The following KNL1 variants were observed in gnomAD, a reference collection of about 807,000 sequenced individuals.
KNL1 encodes the protein outer kinetochore KNL1 complex subunit KNL1.
A neutral mutation model predicts 201.3 loss-of-function variants in KNL1; 66 were observed. The ratio of observed to expected loss-of-function variants is 0.33; its 90% CI spans 0.27 to 0.40. The LOEUF (loss-of-function observed/expected upper bound fraction) is 0.40, where lower values mean the gene tolerates loss of function less well. Ranked by LOEUF, KNL1 falls within the 10% of genes least tolerant of loss-of-function variation. The probability of loss-of-function intolerance (pLI) is 1.00; values close to 1 mark genes in which losing one functional copy is unlikely to be tolerated. For missense variants in KNL1, 2,815 were observed against 2,690.5 expected (o/e 1.05, Z -1.02); for synonymous variants, 895 against 899.2 (o/e 1.00, Z 0.08).
chr15:40,661,072 G>A (rs778204461), intron 25 of KNL1, among the ~76,000 whole-genome samples: 25 of 151,636 alleles, frequency 1.6e-4, no homozygotes, highest in Non-Finnish European at 3.2e-4. Flanking sequence ...AGATAACAGA[G>A]TTAAAAATGT....
intron 13 of KNL1, 134 bp from the exon 14 acceptor site, chr15:40,640,778 G>A (rs1240520277): frequency 1.1e-5 from 7 of 613,210 alleles, no homozygotes; most frequent in South Asian, 1.0e-4. Flanking sequence ...TTGTTTACTG[G>A]CATTATGAAC....
intron 20 of KNL1, 32 bp from the exon 21 acceptor site, chr15:40,651,973 G>A (rs375960767): frequency 6.9e-5 from 104 of 1,502,096 alleles, no homozygotes; most frequent in Middle Eastern, 3.4e-4. Flanking sequence ...TTTTAAAAAC[G>A]CTTTTTAAAA....
rs777453983 is a variant in KNL1, at chr15:40,621,213, G to A, written c.949G>A (p.Asp317Asn). 9.3e-6 allele frequency: 15 copies of A among 1,611,526 alleles called. No individual in the cohort carries two copies. The highest frequency in any genetic ancestry group is 1.2e-5 in the Non-Finnish European group (14 of 1,178,642). Residue 317 changes from aspartate to asparagine, a missense_variant, in exon 10 of 26, where the codon GAC becomes AAC. By Grantham distance (23) the Asp-to-Asn change is conservative (BLOSUM62 1). Transcript: ENST00000399668. ...TAATGATATTACAATTTATGGCAAT[G>A]ACTTTATGGACTTGACATTTAACCA... The part of the protein sequence containing the change: ...KGNDITIYGN[D>N]FMDLTFNHTL...
intron 13 of KNL1, among the ~76,000 whole-genome samples, chr15:40,637,270 G>A (rs981650218): frequency 7.1e-6 from 1 of 141,206 alleles, no homozygotes; most frequent in Non-Finnish European, 1.5e-5. Flanking sequence ...TTTCTGTAGA[G>A]TTTACCACAG....
intron 21 of KNL1, among the ~76,000 whole-genome samples, chr15:40,652,992 C>T (rs1194121702): frequency 1.3e-5 from 2 of 151,958 alleles, no homozygotes; most frequent in Non-Finnish European, 2.9e-5. Flanking sequence ...CAAACATGGC[C>T]GTATTGGAAC....
chr15:40,625,657 A>G lies in KNL1; in HGVS notation c.5376+17A>G. On this transcript the variant is annotated intron_variant, in intron 10 of 25. Transcript: ENST00000399668. ...GATCGGGAGGTGAGCTCTGTCTTGA[A>G]CCAAAGAATGTTCTTGAATTTTGGG... is the stretch of plus-strand genomic sequence containing the variant. 6.3e-7 allele frequency: 1 copy of G among 1,588,918 alleles called. No homozygotes were observed. The highest frequency in any genetic ancestry group is 1.7e-4 in the Middle Eastern group (1 of 5,970).
rs1378080283 is a variant in KNL1, at chr15:40,625,123, A to T, written c.4859A>T (p.Asp1620Val). The change falls in exon 10 of 26, where the codon GAT becomes GTT. Residue 1620 changes from aspartate to valine, a missense_variant. This residue lies in a region of KNL1 where 2,464 missense variants were observed against 2,291.7 expected (regional missense o/e 1.08). Coordinates refer to ENST00000399668, the MANE Select transcript of KNL1 (RefSeq NM_144508.5). ...TCCAGCAATGCTAAAGATAGTAGAG[A>T]TGAGGAAAATAAAAAGTCTCATAAT... ...IISSNAKDSRDEENKKSHNGA... is the reference protein window; with the variant it reads ...IISSNAKDSRVEENKKSHNGA... The T allele has an allele frequency of 6.2e-7, 1 of 1,614,012 alleles. No homozygotes were observed. Among genetic ancestry groups the T allele is most frequent in the Non-Finnish European group, 8.5e-7 (1 of 1,179,996 alleles).
chr15:40,603,316 C>T (rs1007708633), intron 2 of KNL1, among the ~76,000 whole-genome samples: 5 of 152,160 alleles, frequency 3.3e-5, no homozygotes, highest in African/African-American at 1.2e-4. Flanking sequence ...CAATTTCCAC[C>T]TACGAGTGAG....
chr15:40,602,858 G>GA, intron 1 of KNL1, 57 bp from the exon 2 acceptor site: 2 of 935,066 alleles, frequency 2.1e-6, no homozygotes, highest in East Asian at 4.9e-5. Flanking sequence ...TCTTTTCTTA[G>GA]ACTGTAGTTG....
Position 40,623,763 on chromosome 15 carries a change from A to G in KNL1, c.3499A>G (p.Thr1167Ala), listed in dbSNP as rs374956574. The G allele has an allele frequency of 5.6e-6, 9 of 1,614,032 alleles. No homozygotes were observed. The highest frequency in any genetic ancestry group is 6.8e-6 in the Non-Finnish European group (8 of 1,179,928). Reference protein sequence around the residue: ...FTDNYSDLEVTDSHTVFIDCQ... With the variant: ...FTDNYSDLEVADSHTVFIDCQ... ...AGATAATTACAGTGATCTGGAAGTC[A>G]CCGATTCCCATACTGTTTTCATTGA... Residue 1167 changes from threonine (T) to alanine (A), a missense_variant, in exon 10 of 26, where the codon ACC (threonine) becomes GCC (alanine). This residue lies in a region of KNL1 where 2,464 missense variants were observed against 2,291.7 expected (regional missense o/e 1.08). Transcript: ENST00000399668.
chr15:40,634,587 C>T (rs545305076), intron 13 of KNL1, among the ~76,000 whole-genome samples: 2 of 152,182 alleles, frequency 1.3e-5, no homozygotes, highest in African/African-American at 4.8e-5. Flanking sequence ...TTTTGGGCCT[C>T]AGCCTCATTA....
chr15:40,631,288 T>C (rs1029242486), intron 13 of KNL1, among the ~76,000 whole-genome samples: 3 of 151,074 alleles, frequency 2.0e-5, no homozygotes, highest in African/African-American at 7.3e-5. Context: ...GTAGACAACA[T>C]AGTTGGGTAA....
At position 40,647,035 on chromosome 15, in the gene KNL1, C is replaced by G; in HGVS notation, c.6055C>G (p.Leu2019Val). 2 of 1,537,792 alleles carry G rather than the reference C, an allele frequency of 1.3e-6. No individual in the cohort carries two copies. Among genetic ancestry groups the G allele is most frequent in the Middle Eastern group, 3.4e-4 (2 of 5,918 alleles). Residue 2019 changes from leucine to valine, a missense_variant, in exon 17 of 26, where the codon CTT (leucine) becomes GTT (valine). By Grantham distance (32) the Leu-to-Val change is conservative. Around this residue, in one of 3 missense-constraint regions of KNL1, gnomAD observed 334 missense variants for 362.6 expected, o/e 0.92. Coordinates refer to ENST00000399668, the MANE Select transcript of KNL1 (RefSeq NM_144508.5). Reference protein sequence around the residue: ...QIKIDEMDKILKKIDNCLTEM... With the variant: ...QIKIDEMDKIVKKIDNCLTEM... Reference sequence around the variant, plus strand: ...AAAGATAGATGAGATGGATAAAATACTTAAGAAGATCGATAACTGCCTCAC... The same window carrying G: ...AAAGATAGATGAGATGGATAAAATAGTTAAGAAGATCGATAACTGCCTCAC...
Position 40,628,283 on chromosome 15 carries a change from G to A in KNL1, c.5515+75G>A, listed in dbSNP as rs1302953727. 10 of 1,434,436 alleles carry A rather than the reference G, an allele frequency of 7.0e-6. No individual in the cohort carries two copies. In the East Asian group the frequency reaches 9.4e-5, roughly 13 times the overall value. 88.9% of individuals were successfully genotyped at this position (1,434,436 alleles called of 1,614,324 possible). On this transcript the variant is annotated intron_variant, in intron 11 of 25. Coordinates refer to ENST00000399668, the MANE Select transcript of KNL1 (RefSeq NM_144508.5). Reference sequence around the variant, plus strand: ...TAATAATAAGTAGTTTTCAGTTCAGGAAATATTTGAATGTTGTATATGCCT... The same window carrying A: ...TAATAATAAGTAGTTTTCAGTTCAGAAAATATTTGAATGTTGTATATGCCT...
chr15:40,640,077 TTTTTTTTC>T (rs1291178594), intron 13 of KNL1, among the ~76,000 whole-genome samples: 16 of 150,882 alleles, frequency 1.1e-4, no homozygotes, highest in Non-Finnish European at 2.1e-4. Context: ...TTTTCTTTTC[TTTTTTTTC>T]TTTTTTTCTT....
intron 1 of KNL1, among the ~76,000 whole-genome samples, chr15:40,594,728 C>T (rs1196112446): frequency 6.6e-6 from 1 of 152,072 alleles, no homozygotes; most frequent in Non-Finnish European, 1.5e-5. Flanking sequence ...GCGGACTCTT[C>T]TTGCACCCCT....
At chr15:40,658,527 C>CAAA (rs35756393) in intron 24 of KNL1, among the ~76,000 whole-genome samples, 1 of 8,798 alleles carries the variant, frequency 1.1e-4, no homozygotes, top group Non-Finnish European at 2.2e-4. Context: ...GACTCCATCT[C>CAAA]AAAAAAAAAA....
intron 10 of KNL1, 64 bp downstream of exon 10, chr15:40,625,704 T>A: frequency 7.8e-7 from 1 of 1,285,938 alleles, no homozygotes; most frequent in Middle Eastern, 1.9e-4. Context: ...TTTCTTAAAT[T>A]GTGGGTATTC....
In KNL1 at chr15:40,629,471, C is replaced by CT. The variant is rs11368953; in HGVS notation, c.5682+116dup. The CT allele has an allele frequency of 0.51, 98,409 of 191,940 alleles. 26,611 individuals carry two copies. Among genetic ancestry groups the CT allele is most frequent in the African/African-American group, 0.59 (14,279 of 24,184 alleles). The allele number at this position is 191,940 out of a possible 1,614,324, so 11.9% of individuals were successfully genotyped here. A position where few individuals can be genotyped will look rare whatever the true frequency, so the allele number is the denominator to read the frequency against. ...AGCAAATTTTCCTATAGAGAGTTTT[C>CT]TTTTTTTTTTTTTTTTGCCTTTTCT... On this transcript the variant is annotated intron_variant, in intron 13 of 25. Coordinates refer to ENST00000399668, the MANE Select transcript of KNL1 (RefSeq NM_144508.5).
Sources: gnomAD v4.1 joint callset for allele counts (sites outside exome capture counted in the v4.1 genomes callset) on GRCh38, gnomAD v4.1.1 for gene constraint, gnomAD v4.1.1 regional missense constraint, MANE v1.5 for transcripts, NCBI Gene and HGNC (gene_info 2026-07-23, HGNC 2026-07-21) for gene names.